Variants in PKNOX1 observed in about 807,000 individuals in gnomAD.
PKNOX1 encodes the protein PBX/knotted 1 homeobox 1, also known as homeobox protein PKNOX1.
PKNOX1 carries 15 observed loss-of-function variants against 51.9 expected under a neutral mutation model. The ratio of observed to expected loss-of-function variants is 0.29; its 90% confidence interval spans 0.19 to 0.45. The LOEUF is 0.45. Ranked by LOEUF, PKNOX1 falls within the 20% of genes least tolerant of loss-of-function variation. The pLI, the probability that PKNOX1 is intolerant of heterozygous loss-of-function variation, is 1.00. For missense variants in PKNOX1, 462 were observed against 547.5 expected (o/e 0.84, Z 1.56); for synonymous variants, 219 against 211.1 (o/e 1.04, Z -0.32).
chr21:42,984,985 T>C (rs1411247607), intron 1 of PKNOX1, among the ~76,000 whole-genome samples: 11 of 128,896 alleles, frequency 8.5e-5, no homozygotes, highest in Non-Finnish European at 1.2e-4. Context: ...TTTTTTTTTT[T>C]TTTTTTTTTT....
At chr21:42,990,191 G>T (rs1287089083) in intron 1 of PKNOX1, among the ~76,000 whole-genome samples, 3 of 151,198 alleles carry the variant, frequency 2.0e-5, no homozygotes, top group Non-Finnish European at 4.4e-5. Flanking sequence ...GAAATCAGGT[G>T]GTGGTTGCAG....
chr21:43,021,294 C>T lies in PKNOX1; in HGVS notation c.721-9C>T. On this transcript the variant is annotated splice_polypyrimidine_tract_variant and intron_variant, in intron 7 of 10. Transcript: ENST00000291547. The surrounding 1 kb of genome is among the most constrained non-coding windows in gnomAD (Gnocchi z 4.6). ...TATGCTTTCTAATGTTATTTTTCAA[C>T]TTTAAAAGCTTCAGTTACAGTTAAA... The T allele has an allele frequency of 6.3e-7, 1 of 1,585,730 alleles. No homozygotes were observed. Among genetic ancestry groups the T allele is most frequent in the Non-Finnish European group, 8.6e-7 (1 of 1,162,406 alleles).
At chr21:43,020,576 G>A (rs879288513) in intron 7 of PKNOX1, 14 of 152,392 alleles carry the variant, frequency 9.2e-5, no homozygotes, top group African/African-American at 2.6e-4. Flanking sequence ...CTGTGGAGGC[G>A]TCTGGAACAA....
intron 1 of PKNOX1, among the ~76,000 whole-genome samples, chr21:43,001,128 G>T (rs1343865980): frequency 6.6e-6 from 1 of 152,244 alleles, no homozygotes; most frequent in Non-Finnish European, 1.5e-5. Context: ...TGACACGTTT[G>T]CAGATGTGTA....
intron 1 of PKNOX1, among the ~76,000 whole-genome samples, chr21:43,000,134 C>CTTT (rs1978686224): frequency 2.0e-5 from 3 of 152,156 alleles, no homozygotes; most frequent in African/African-American, 7.2e-5. Context: ...AAGTTCCAAA[C>CTTT]TTTCCCACAT....
intron 3 of PKNOX1, among the ~76,000 whole-genome samples, chr21:43,009,461 T>A (rs931044169): frequency 1.4e-5 from 2 of 147,352 alleles, no homozygotes; most frequent in African/African-American, 5.1e-5. Context: ...ATAAAAAAAA[T>A]TAGCTGGGCA....
Position 43,021,258 on chromosome 21 carries a change from T to G in PKNOX1, c.721-45T>G. 3.0e-4 allele frequency: 451 copies of G among 1,516,674 alleles called. No individual in the cohort carries two copies. The highest frequency in any genetic ancestry group is 3.7e-4 in the Non-Finnish European group (411 of 1,111,142). 94.0% of individuals were successfully genotyped at this position (1,516,674 alleles called of 1,614,324 possible). ...CTGCAGTTGTAAGTACTTGGATATG[T>G]GAGAATTTCCTATGCTTTCTAATGT... On this transcript the variant is annotated intron_variant, in intron 7 of 10. Transcript: ENST00000291547. The surrounding 1 kb of genome is among the most constrained non-coding windows in gnomAD (Gnocchi z 4.6).
intron 10 of PKNOX1, chr21:43,029,103 G>A: frequency 1.7e-6 from 1 of 589,060 alleles, no homozygotes; most frequent in Non-Finnish European, 3.0e-6. Context: ...ACGTGATAGA[G>A]ATATGAAATC....
In PKNOX1 at chr21:43,021,253, A is replaced by G. The variant is rs781262379; in HGVS notation, c.721-50A>G. Reference sequence around the variant, plus strand: ...TCCACCTGCAGTTGTAAGTACTTGGATATGTGAGAATTTCCTATGCTTTCT... The same window carrying G: ...TCCACCTGCAGTTGTAAGTACTTGGGTATGTGAGAATTTCCTATGCTTTCT... On this transcript the variant is annotated intron_variant, in intron 7 of 10. Transcript: ENST00000291547. The surrounding 1 kb of genome is among the most constrained non-coding windows in gnomAD (Gnocchi z 4.6). The G allele has an allele frequency of 4.0e-6, 6 of 1,484,418 alleles. No homozygotes were observed. Among genetic ancestry groups the G allele is most frequent in the Non-Finnish European group, 5.5e-6 (6 of 1,084,574 alleles). The allele number at this position is 1,484,418 out of a possible 1,614,324, so 92.0% of individuals were successfully genotyped here.
At chr21:43,009,823 A>G (rs1263030777) in intron 3 of PKNOX1, among the ~76,000 whole-genome samples, 3 of 152,148 alleles carry the variant, frequency 2.0e-5, no homozygotes, top group Non-Finnish European at 2.9e-5. Context: ...AATGACTGCT[A>G]TTGGATACAG....
At chr21:42,989,343 G>A (rs2059074029) in intron 1 of PKNOX1, among the ~76,000 whole-genome samples, 1 of 151,830 alleles carries the variant, frequency 6.6e-6, no homozygotes, top group African/African-American at 2.4e-5. Context: ...GTTTTCTCAT[G>A]GATCTTTTGA....
At chr21:43,028,567 T>C (rs1255928827) in intron 9 of PKNOX1, 135 bp from the exon 10 acceptor site, 1 of 756,680 alleles carries the variant, frequency 1.3e-6, no homozygotes, top group Non-Finnish European at 2.3e-6. Context: ...CTTAAGTAGT[T>C]ACTATAGTGG....
intron 7 of PKNOX1, among the ~76,000 whole-genome samples, chr21:43,019,372 C>T (rs1979651640): frequency 7.1e-6 from 1 of 140,784 alleles, no homozygotes; most frequent in Non-Finnish European, 1.5e-5. Flanking sequence ...GCCTGGGCAA[C>T]AAGAGCAAAA....
At chr21:43,004,487 A>C (rs1352698076) in intron 2 of PKNOX1, 55 bp downstream of exon 2, 5 of 1,166,168 alleles carry the variant, frequency 4.3e-6, no homozygotes, top group Middle Eastern at 3.8e-4. Flanking sequence ...GCACTCAAGC[A>C]TGAACATTGC....
chr21:43,025,028 C>A, intron 9 of PKNOX1, 81 bp downstream of exon 9: 1 of 862,438 alleles, frequency 1.2e-6, no homozygotes, highest in Non-Finnish European at 1.9e-6. Context: ...ATGGTGAAAT[C>A]TTGCTGAAAA....
chr21:43,030,029 G>A lies in PKNOX1; in HGVS notation c.1239G>A (p.Glu413=). ...QSEDESVDST[E]EDAGALAPAH... Reference sequence around the variant, plus strand: ...AGGACGAGTCTGTGGACAGCACAGAGGAGGATGCGGGTGCCCTGGCCCCTG... The same window carrying A: ...AGGACGAGTCTGTGGACAGCACAGAAGAGGATGCGGGTGCCCTGGCCCCTG... Residue 413 remains glutamate, a synonymous_variant, in exon 11 of 11, where the codon GAG becomes GAA. Coordinates refer to ENST00000291547, the MANE Select transcript of PKNOX1 (RefSeq NM_004571.5). 6.2e-7 allele frequency: 1 copy of A among 1,614,014 alleles called. No individual in the cohort carries two copies. Among genetic ancestry groups the A allele is most frequent in the South Asian group, 1.1e-5 (1 of 91,086 alleles).
At chr21:43,010,377 A>C (rs760088157) in intron 4 of PKNOX1, among the ~76,000 whole-genome samples, 153 bp downstream of exon 4, 12 of 152,128 alleles carry the variant, frequency 7.9e-5, no homozygotes, top group Non-Finnish European at 1.6e-4. Flanking sequence ...TGTAATGTGG[A>C]TATCCCCAAG....
At chr21:42,975,760 A>G (rs1177690395) in intron 1 of PKNOX1, among the ~76,000 whole-genome samples, 3 of 152,266 alleles carry the variant, frequency 2.0e-5, no homozygotes, top group East Asian at 3.9e-4. Flanking sequence ...GGGGTGTTCC[A>G]CCTGTGTGTG....
chr21:43,023,468 T>C (rs1231433199), intron 8 of PKNOX1, among the ~76,000 whole-genome samples: 2 of 152,178 alleles, frequency 1.3e-5, no homozygotes, highest in Non-Finnish European at 2.9e-5. Flanking sequence ...TGGGTCCTTG[T>C]TGATCCCAAA....
Sources: gnomAD v4.1 joint callset for allele counts (sites outside exome capture counted in the v4.1 genomes callset) on GRCh38, gnomAD v4.1.1 for gene constraint, Gnocchi (gnomAD v3.1) non-coding constraint, MANE v1.5 for transcripts, NCBI Gene and HGNC (gene_info 2026-07-23, HGNC 2026-07-21) for gene names.